Variants in SLCO6A1 observed in about 807,000 individuals in gnomAD.
SLCO6A1 encodes solute carrier organic anion transporter family member 6A1, also known as cancer/testis antigen 48.
Under a neutral mutation model 72.7 loss-of-function variants are expected in SLCO6A1, and 65 were observed. The observed-to-expected ratio is 0.89, with a 90% CI of 0.73 to 1.10. SLCO6A1 has a LOEUF of 1.10. Ranked by LOEUF, SLCO6A1 falls within the 50% of genes least tolerant of loss-of-function variation. The probability of loss-of-function intolerance (pLI) is 0.00; values close to 1 mark genes in which losing one functional copy is unlikely to be tolerated. For synonymous variants in SLCO6A1, 314 were observed against 298.2 expected, an observed-to-expected ratio of 1.05 and a Z score of -0.55; for missense variants, 874 against 872.6, an observed-to-expected ratio of 1.00 and a Z score of -0.02.
In SLCO6A1 at chr5:102,412,674, T is replaced by C. The variant is rs908291875; in HGVS notation, c.1626+316A>G. On this transcript the variant is annotated intron_variant, in intron 9 of 13. Transcript: ENST00000506729. ...TATCCTGTAGGCTGAGGTGGGAGGATGGCTTGAGCCCAAGAGGTGGAGGTT... is the reference window on the plus strand; with the variant it reads ...TATCCTGTAGGCTGAGGTGGGAGGACGGCTTGAGCCCAAGAGGTGGAGGTT... Among the ~76,000 whole-genome samples the C allele has an allele frequency of 3.3e-5, 5 of 151,864 alleles. No homozygotes were observed. In the South Asian group the frequency reaches 6.2e-4, roughly 19 times the overall value.
At chr5:102,384,262 G>A (rs1196038472) in intron 12 of SLCO6A1, among the ~76,000 whole-genome samples, 3 of 151,824 alleles carry the variant, frequency 2.0e-5, no homozygotes, top group Non-Finnish European at 4.4e-5. Flanking sequence ...GCCCCTTGAG[G>A]TGTAACATTA....
At chr5:102,394,893 G>A (rs1746976897) in intron 10 of SLCO6A1, among the ~76,000 whole-genome samples, 1 of 152,028 alleles carries the variant, frequency 6.6e-6, no homozygotes. Flanking sequence ...AGTTACAACA[G>A]AACCATTTTT....
chr5:102,427,853 T>C (rs1239114451), intron 7 of SLCO6A1, among the ~76,000 whole-genome samples: 1 of 127,562 alleles, frequency 7.8e-6, no homozygotes, highest in Non-Finnish European at 1.6e-5. Flanking sequence ...TACATATATA[T>C]ATATATATAT....
chr5:102,447,896 C>T (rs766799738), intron 6 of SLCO6A1, among the ~76,000 whole-genome samples: 26 of 151,922 alleles, frequency 1.7e-4, no homozygotes, highest in South Asian at 8.3e-4. Context: ...GATTTTGTTT[C>T]CTTCTTTTCT....
At chr5:102,377,748 C>T (rs1165057342) in intron 12 of SLCO6A1, among the ~76,000 whole-genome samples, 3 of 151,632 alleles carry the variant, frequency 2.0e-5, no homozygotes, top group Admixed American at 6.6e-5. Context: ...CTCATCTCAC[C>T]GCAATCTCCA....
intron 12 of SLCO6A1, among the ~76,000 whole-genome samples, chr5:102,373,815 A>G (rs941880561): frequency 6.6e-6 from 1 of 152,194 alleles, no homozygotes; most frequent in Non-Finnish European, 1.5e-5. Context: ...AATAGGAACC[A>G]GAGCTAAGTC....
intron 1 of SLCO6A1, among the ~76,000 whole-genome samples, chr5:102,493,646 G>A (rs1752784150): frequency 6.6e-6 from 1 of 152,028 alleles, no homozygotes; most frequent in Non-Finnish European, 1.5e-5. Context: ...CCTAGCCAGT[G>A]GAATAAAGTG....
At chr5:102,458,600 T>G (rs1750866033) in intron 5 of SLCO6A1, 109 bp from the exon 6 acceptor site, 1 of 677,248 alleles carries the variant, frequency 1.5e-6, no homozygotes, top group African/African-American at 1.8e-5. Context: ...AAATGGCAAA[T>G]GAGTTATTTT....
intron 4 of SLCO6A1, among the ~76,000 whole-genome samples, chr5:102,468,942 T>C (rs1039529133): frequency 2.0e-5 from 3 of 152,178 alleles, no homozygotes; most frequent in African/African-American, 7.2e-5. Flanking sequence ...CTTGTTTTTG[T>C]CAGGTTTGTC....
intron 10 of SLCO6A1, among the ~76,000 whole-genome samples, chr5:102,392,085 A>G (rs1347523851): frequency 1.3e-5 from 2 of 152,068 alleles, no homozygotes; most frequent in Non-Finnish European, 2.9e-5. Context: ...CGAACAATAA[A>G]CTATATTATG....
chr5:102,383,204 C>T (rs1340552827), intron 12 of SLCO6A1, among the ~76,000 whole-genome samples: 1 of 150,226 alleles, frequency 6.7e-6, no homozygotes, highest in Admixed American at 6.6e-5. Flanking sequence ...TTTTTCTTGC[C>T]TAATTGTTCT....
intron 7 of SLCO6A1, among the ~76,000 whole-genome samples, chr5:102,425,881 A>G (rs990537591): frequency 6.6e-6 from 1 of 152,242 alleles, no homozygotes; most frequent in South Asian, 2.1e-4. Flanking sequence ...CTACAAGGCT[A>G]CAGTAACCAA....
At chr5:102,412,417 T>C (rs755970421) in intron 9 of SLCO6A1, among the ~76,000 whole-genome samples, 1 of 152,142 alleles carries the variant, frequency 6.6e-6, no homozygotes, top group Non-Finnish European at 1.5e-5. Context: ...TAGGAATATC[T>C]CTTTCACTCC....
intron 4 of SLCO6A1, among the ~76,000 whole-genome samples, chr5:102,469,491 T>G (rs1751489087): frequency 6.6e-6 from 1 of 152,132 alleles, no homozygotes; most frequent in African/African-American, 2.4e-5. Context: ...ATGCTTGTGA[T>G]TTTTGCACAT....
intron 11 of SLCO6A1, 148 bp downstream of exon 11, chr5:102,390,833 T>C: frequency 1.6e-6 from 1 of 612,950 alleles, no homozygotes; most frequent in African/African-American, 1.9e-5. Flanking sequence ...CCTCTTTACA[T>C]TGTCTCCTAA....
At chr5:102,457,740 T>A (rs1478684277) in intron 6 of SLCO6A1, among the ~76,000 whole-genome samples, 5 of 152,178 alleles carry the variant, frequency 3.3e-5, no homozygotes, top group African/African-American at 1.2e-4. Flanking sequence ...GACCCAGCAA[T>A]CCCATTACTG....
chr5:102,385,380 TTAAA>T, intron 12 of SLCO6A1, among the ~76,000 whole-genome samples: 1 of 152,314 alleles, frequency 6.6e-6, no homozygotes, highest in Non-Finnish European at 1.5e-5. Context: ...CATTATTTCT[TTAAA>T]TAAGCTTTCT....
intron 6 of SLCO6A1, among the ~76,000 whole-genome samples, chr5:102,452,024 C>T (rs533288140): frequency 4.5e-4 from 69 of 152,342 alleles, no homozygotes; most frequent in African/African-American, 1.6e-3. Context: ...TGGACAGCAG[C>T]TTCCTTTGAT....
rs150074643 is a variant in SLCO6A1, at chr5:102,451,720, T to C, written c.1131+6662A>G. Among the ~76,000 whole-genome samples the C allele has an allele frequency of 3.1e-4, 47 of 152,278 alleles. 1 individual carries two copies. In the East Asian group the frequency reaches 9.1e-3, roughly 29 times the overall value. On this transcript the variant is annotated intron_variant, in intron 6 of 13. Transcript: ENST00000506729. ...CAATCCCAGGTGGGCAACTGTCCTG[T>C]CTCAGTCTTCCCTCTTCTCCATGGG... is the stretch of plus-strand genomic sequence containing the variant.
Sources: gnomAD v4.1 joint callset for allele counts (sites outside exome capture counted in the v4.1 genomes callset) on GRCh38, gnomAD v4.1.1 for gene constraint, MANE v1.5 for transcripts, NCBI Gene and HGNC (gene_info 2026-07-23, HGNC 2026-07-21) for gene names.